The following PLXDC2 variants were observed in gnomAD, a reference collection of about 807,000 sequenced individuals.
PLXDC2 encodes the protein plexin domain-containing protein 2.
In PLXDC2, 40 loss-of-function variants were observed where a neutral mutation model predicts 68.9. The ratio of observed to expected loss-of-function variants is 0.58; its 90% confidence interval spans 0.45 to 0.76. PLXDC2 has a LOEUF of 0.76. Among genes scored for constraint, PLXDC2 ranks in the 30% least tolerant of loss-of-function variants. PLXDC2 has a pLI of 0.00. For synonymous variants in PLXDC2, 243 were observed against 234.2 expected (o/e 1.04, Z -0.34); for missense variants, 644 against 661.9 (o/e 0.97, Z 0.30).
At chr10:20,200,387 C>T (rs1554774310) in intron 9 of PLXDC2, among the ~76,000 whole-genome samples, 1 of 151,260 alleles carries the variant, frequency 6.6e-6, no homozygotes, top group Admixed American at 6.6e-5. Context: ...AACATAAATC[C>T]AAAAAAGGTG....
chr10:19,820,042 C>CAGATACAAGT (rs2131992720), intron 1 of PLXDC2, among the ~76,000 whole-genome samples: 1 of 152,194 alleles, frequency 6.6e-6, no homozygotes, highest in Non-Finnish European at 1.5e-5. Context: ...TTTCTTTTTC[C>CAGATACAAGT]TTTAGAGAAC....
intron 4 of PLXDC2, among the ~76,000 whole-genome samples, chr10:20,069,895 A>T (rs532954585): frequency 6.6e-6 from 1 of 152,268 alleles, no homozygotes; most frequent in East Asian, 1.9e-4. Flanking sequence ...GTTTCCAGGG[A>T]TGATATAACT....
chr10:20,000,774 G>A (rs1007849896), intron 1 of PLXDC2, among the ~76,000 whole-genome samples: 2 of 152,060 alleles, frequency 1.3e-5, no homozygotes, highest in Admixed American at 6.6e-5. Flanking sequence ...TGTACCAAGG[G>A]GAACATAATG....
intron 7 of PLXDC2, among the ~76,000 whole-genome samples, chr10:20,169,682 C>T (rs1228668388): frequency 1.3e-5 from 2 of 152,172 alleles, no homozygotes; most frequent in East Asian, 3.9e-4. Flanking sequence ...CTTAATCCTT[C>T]TAGCAAGAAA....
At chr10:19,989,387 CAAATT>C (rs1834707036) in intron 1 of PLXDC2, among the ~76,000 whole-genome samples, 1 of 152,084 alleles carries the variant, frequency 6.6e-6, no homozygotes, top group Non-Finnish European at 1.5e-5. Context: ...CCTCTAGTAT[CAAATT>C]AAAATGTTAA....
chr10:19,985,982 T>C (rs987510900), intron 1 of PLXDC2, among the ~76,000 whole-genome samples: 10 of 152,192 alleles, frequency 6.6e-5, no homozygotes, highest in Non-Finnish European at 1.0e-4. Context: ...AGTCCTCCAG[T>C]AGAAGGCTAA....
intron 1 of PLXDC2, among the ~76,000 whole-genome samples, chr10:19,865,865 A>G (rs1445787711): frequency 6.6e-6 from 1 of 152,194 alleles, no homozygotes; most frequent in East Asian, 1.9e-4. Context: ...CACCTACAAT[A>G]TGATGCCCTT....
chr10:20,044,962 G>A (rs1266188108), intron 2 of PLXDC2, among the ~76,000 whole-genome samples: 1 of 152,106 alleles, frequency 6.6e-6, no homozygotes, highest in Non-Finnish European at 1.5e-5. Flanking sequence ...TTTACCCTCA[G>A]ACAACCCAAA....
chr10:19,891,738 G>C (rs907104933), intron 1 of PLXDC2, among the ~76,000 whole-genome samples: 1 of 152,132 alleles, frequency 6.6e-6, no homozygotes, highest in Admixed American at 6.5e-5. Context: ...GATTAATTTC[G>C]TTTAGCTGTT....
intron 12 of PLXDC2, among the ~76,000 whole-genome samples, chr10:20,238,899 C>T (rs1162053627): frequency 6.6e-6 from 1 of 151,446 alleles, no homozygotes; most frequent in Non-Finnish European, 1.5e-5. Flanking sequence ...ATGACACTCA[C>T]TGGGTCAGAT....
chr10:20,061,708 A>C (rs1264593272), intron 3 of PLXDC2, among the ~76,000 whole-genome samples: 1 of 152,216 alleles, frequency 6.6e-6, no homozygotes, highest in Non-Finnish European at 1.5e-5. Flanking sequence ...TGTCCGATCT[A>C]TTAAATGTTA....
At chr10:20,089,583 T>C (rs1833249610) in intron 4 of PLXDC2, among the ~76,000 whole-genome samples, 1 of 152,288 alleles carries the variant, frequency 6.6e-6, no homozygotes, top group African/African-American at 2.4e-5. Context: ...GCTGGGGTCA[T>C]TGAAAGTTTT....
At chr10:19,958,395 T>C (rs1007771459) in intron 1 of PLXDC2, among the ~76,000 whole-genome samples, 1 of 152,138 alleles carries the variant, frequency 6.6e-6, no homozygotes, top group Non-Finnish European at 1.5e-5. Flanking sequence ...TGAGTAAATA[T>C]GTAATAAAAC....
intron 1 of PLXDC2, among the ~76,000 whole-genome samples, chr10:19,948,276 C>T (rs1185609303): frequency 1.3e-5 from 2 of 151,966 alleles, no homozygotes; most frequent in Admixed American, 1.3e-4. Context: ...TTGCCTAGTT[C>T]TCTAAGGATG....
intron 12 of PLXDC2, among the ~76,000 whole-genome samples, chr10:20,232,848 C>CA (rs1468929226): frequency 3.3e-5 from 5 of 152,024 alleles, no homozygotes; most frequent in Admixed American, 2.6e-4. Flanking sequence ...GCAAATTGTA[C>CA]ATTTAAAATT....
intron 2 of PLXDC2, among the ~76,000 whole-genome samples, chr10:20,034,587 AG>A (rs1393516527): frequency 2.8e-4 from 42 of 152,166 alleles, no homozygotes; most frequent in African/African-American, 9.4e-4. Flanking sequence ...CACTCTTTAA[AG>A]TCTGGTTTGA....
At chr10:20,030,787 G>A (rs937194012) in intron 2 of PLXDC2, among the ~76,000 whole-genome samples, 14 of 152,122 alleles carry the variant, frequency 9.2e-5, no homozygotes, top group African/African-American at 3.1e-4. Context: ...AAAGGTGTGG[G>A]TTTCTGGGGA....
At chr10:19,907,798 G>T (rs578059423) in intron 1 of PLXDC2, among the ~76,000 whole-genome samples, 1 of 152,162 alleles carries the variant, frequency 6.6e-6, no homozygotes, top group East Asian at 1.9e-4. Flanking sequence ...AAGGGGTATC[G>T]GACTGGCTAA....
At chr10:19,890,395 C>T (rs1837932868) in intron 1 of PLXDC2, among the ~76,000 whole-genome samples, 1 of 152,124 alleles carries the variant, frequency 6.6e-6, no homozygotes, top group Non-Finnish European at 1.5e-5. Flanking sequence ...GCCCTTGCCC[C>T]TCTTCTTCCC....
Sources: allele counts gnomAD v4.1 joint callset (sites outside exome capture counted in the v4.1 genomes callset), GRCh38; gene constraint gnomAD v4.1.1; transcripts MANE v1.5; gene names NCBI Gene and HGNC (gene_info 2026-07-23, HGNC 2026-07-21).